CDH13: variants seen among roughly 807,000 people sequenced by gnomAD.
CDH13 encodes the protein cadherin-13.
Under a neutral mutation model 63.8 loss-of-function variants are expected in CDH13, and 24 were observed. The ratio of observed to expected loss-of-function variants is 0.38; its 90% CI spans 0.27 to 0.53. CDH13 has a LOEUF of 0.53. CDH13 is among the 20% of genes least tolerant of loss of function. The pLI, the probability that CDH13 is intolerant of heterozygous loss-of-function variation, is 0.85. For missense variants in CDH13, 1,049 were observed against 903.1 expected (o/e 1.16, Z -2.07); for synonymous variants, 503 against 355.3 (o/e 1.42, Z -4.67).
chr16:83,382,312 G>T (rs1200920503), intron 6 of CDH13, among the ~76,000 whole-genome samples: 1 of 152,068 alleles, frequency 6.6e-6, no homozygotes, highest in Non-Finnish European at 1.5e-5. Flanking sequence ...ATCCTTAATT[G>T]GTTGTGCAAA....
At chr16:82,789,608 T>C (rs1597587565) in intron 1 of CDH13, among the ~76,000 whole-genome samples, 1 of 152,214 alleles carries the variant, frequency 6.6e-6, no homozygotes, top group South Asian at 2.1e-4. Context: ...GGGAGGTCCA[T>C]TGGGCAGGAC....
At chr16:83,163,661 C>T (rs759166688) in intron 4 of CDH13, among the ~76,000 whole-genome samples, 12 of 152,058 alleles carry the variant, frequency 7.9e-5, no homozygotes, top group Admixed American at 2.0e-4. Flanking sequence ...CTCTTTCTTT[C>T]CTTGGTACCA....
chr16:83,159,663 A>G (rs1332671018), intron 4 of CDH13, among the ~76,000 whole-genome samples: 3 of 152,230 alleles, frequency 2.0e-5, no homozygotes, highest in Admixed American at 6.5e-5. Flanking sequence ...TAAAGGGGAT[A>G]TAACTTTAAT....
chr16:82,671,749 C>T (rs987178394), intron 1 of CDH13, among the ~76,000 whole-genome samples: 1 of 152,118 alleles, frequency 6.6e-6, no homozygotes, highest in African/African-American at 2.4e-5. Flanking sequence ...ATTTGGTATT[C>T]TAAAGACTAG....
In CDH13 at chr16:83,000,223, ATTTTTTTTTTTTTTTTTTTTT is replaced by A. The variant is rs746904500; in HGVS notation, c.158-31766_158-31746del. Among the ~76,000 whole-genome samples the A allele has an allele frequency of 3.8e-3, 139 of 37,032 alleles. 2 individuals are homozygous for A. Among genetic ancestry groups the A allele is most frequent in the Non-Finnish European group, 6.7e-3 (113 of 16,804 alleles). The allele number at this position is 37,032 out of a possible 152,430, so 24.3% of individuals were successfully genotyped here. A position where few individuals can be genotyped will look rare whatever the true frequency, so the allele number is the denominator to read the frequency against. On this transcript the variant is annotated intron_variant, in intron 2 of 13. Coordinates refer to ENST00000567109, the MANE Select transcript of CDH13 (RefSeq NM_001257.5). ...CTAGGAATATCCACAGGTTTAGCTT[ATTTTTTTTTTTTTTTTTTTTT>A]TTTTTTTTTTTTTTTTTTTTGAGAC...
chr16:83,584,421 G>A (rs933680602), intron 7 of CDH13, among the ~76,000 whole-genome samples: 4 of 152,182 alleles, frequency 2.6e-5, no homozygotes, highest in South Asian at 2.1e-4. Flanking sequence ...ATTGGGACAC[G>A]ATGTAATATA....
chr16:83,376,367 A>G (rs1297237558), intron 6 of CDH13, among the ~76,000 whole-genome samples: 1 of 152,168 alleles, frequency 6.6e-6, no homozygotes, highest in Admixed American at 6.5e-5. Flanking sequence ...GCCCTTCCTC[A>G]ACTTCAAGGA....
intron 1 of CDH13, among the ~76,000 whole-genome samples, chr16:82,698,224 G>A (rs2030567717): frequency 6.6e-6 from 1 of 152,182 alleles, no homozygotes; most frequent in African/African-American, 2.4e-5. Flanking sequence ...TCTCTTTAGT[G>A]TTTTCTGCCA....
chr16:83,482,712 G>C (rs1336458925), intron 6 of CDH13, among the ~76,000 whole-genome samples: 1 of 152,216 alleles, frequency 6.6e-6, no homozygotes, highest in Non-Finnish European at 1.5e-5. Context: ...GCCGACTAGA[G>C]GACCACGTGG....
chr16:83,279,905 A>G (rs947296077), intron 5 of CDH13, among the ~76,000 whole-genome samples: 2 of 152,140 alleles, frequency 1.3e-5, no homozygotes, highest in Non-Finnish European at 2.9e-5. Context: ...CAATGTAGTA[A>G]GTATGCAATA....
chr16:83,337,131 C>T (rs955982798), intron 5 of CDH13, among the ~76,000 whole-genome samples: 8 of 152,196 alleles, frequency 5.3e-5, no homozygotes, highest in African/African-American at 1.9e-4. Context: ...ATTTTACGTA[C>T]AGCCAATTCC....
At chr16:82,938,569 A>C (rs932799196) in intron 2 of CDH13, among the ~76,000 whole-genome samples, 3 of 152,196 alleles carry the variant, frequency 2.0e-5, no homozygotes, top group African/African-American at 7.2e-5. Flanking sequence ...ACCGTTGTCC[A>C]GAGTCTAAGA....
chr16:82,634,352 T>C (rs967333368), intron 1 of CDH13, among the ~76,000 whole-genome samples: 3 of 152,254 alleles, frequency 2.0e-5, no homozygotes, highest in African/African-American at 4.8e-5. Context: ...TGCAGACACC[T>C]GAAGCTTGAG....
intron 8 of CDH13, among the ~76,000 whole-genome samples, chr16:83,644,593 C>A (rs1911614797): frequency 6.6e-6 from 1 of 152,234 alleles, no homozygotes; most frequent in African/African-American, 2.4e-5. Context: ...TGTCATCCCT[C>A]AGTTACGCTG....
intron 2 of CDH13, among the ~76,000 whole-genome samples, chr16:82,867,122 C>T (rs578198777): frequency 6.6e-6 from 1 of 152,316 alleles, no homozygotes; most frequent in Admixed American, 6.5e-5. Flanking sequence ...GGGAAAGGTA[C>T]TCTCATCTGC....
At chr16:83,184,482 C>T (rs889316912) in intron 4 of CDH13, among the ~76,000 whole-genome samples, 4 of 151,952 alleles carry the variant, frequency 2.6e-5, no homozygotes, top group Admixed American at 1.3e-4. Context: ...GGGCAGGGTG[C>T]GGTGGCTCAC....
At chr16:83,586,626 C>G (rs1273150493) in intron 7 of CDH13, among the ~76,000 whole-genome samples, 1 of 152,172 alleles carries the variant, frequency 6.6e-6, no homozygotes, top group Admixed American at 6.5e-5. Context: ...AATACAATTT[C>G]AAGAACAAAA....
At chr16:82,648,300 A>C (rs1030352374) in intron 1 of CDH13, among the ~76,000 whole-genome samples, 2 of 152,222 alleles carry the variant, frequency 1.3e-5, no homozygotes, top group African/African-American at 4.8e-5. Flanking sequence ...CATTATATTA[A>C]ATGATATATG....
At chr16:82,697,767 G>GTGTGTGTA (rs1555535676) in intron 1 of CDH13, among the ~76,000 whole-genome samples, 3 of 147,830 alleles carry the variant, frequency 2.0e-5, no homozygotes, top group African/African-American at 7.8e-5. Context: ...GTGTGTGTGT[G>GTGTGTGTA]TGTGTGTGTG....
Sources: gnomAD v4.1 joint callset for allele counts (sites outside exome capture counted in the v4.1 genomes callset) on GRCh38, gnomAD v4.1.1 for gene constraint, MANE v1.5 for transcripts, NCBI Gene and HGNC (gene_info 2026-07-23, HGNC 2026-07-21) for gene names.